KDM5A: variants seen among roughly 807,000 people sequenced by gnomAD.
The protein encoded by KDM5A is lysine-specific demethylase 5A.
KDM5A carries 42 observed loss-of-function variants against 193.5 expected under a neutral mutation model. That is an observed-to-expected ratio of 0.22 (90% CI 0.17 to 0.28). KDM5A has a LOEUF of 0.28. KDM5A is among the 10% of genes least tolerant of loss of function. KDM5A has a pLI of 1.00. For missense variants in KDM5A, 1,692 were observed against 2,055.1 expected, an observed-to-expected ratio of 0.82 and a Z score of 3.42; for synonymous variants, 796 against 718.1, an observed-to-expected ratio of 1.11 and a Z score of -1.73.
At chr12:324,109 C>T (rs1943755461) in intron 14 of KDM5A, among the ~76,000 whole-genome samples, 1 of 151,964 alleles carries the variant, frequency 6.6e-6, no homozygotes, top group African/African-American at 2.4e-5. Context: ...GGATTTGAGA[C>T]CAGCCGGGGC....
rs568711229 is a variant in KDM5A at position 293,489 on chromosome 12, G to C, written c.4456-320C>G. ...ATGTACATTATGCTACAATAAAAAA[G>C]ATTTATGGGCCAGGCACAGTGGTTC... On this transcript the variant is annotated intron_variant, in intron 26 of 27. Transcript: ENST00000399788. 9.9e-5 allele frequency among the ~76,000 whole-genome samples: 15 copies of C among 152,118 alleles called. No homozygotes were observed. The South Asian group carries it at 2.3e-3, about 23-fold the overall frequency.
At chr12:296,573 T>C (rs1943377101) in intron 25 of KDM5A, among the ~76,000 whole-genome samples, 1 of 152,058 alleles carries the variant, frequency 6.6e-6, no homozygotes, top group African/African-American at 2.4e-5. Context: ...TCTTCCAGAG[T>C]TGTGACCTAA....
intron 22 of KDM5A, 126 bp from the exon 23 acceptor site, chr12:308,131 C>G: frequency 9.7e-7 from 1 of 1,031,386 alleles, no homozygotes; most frequent in Admixed American, 2.1e-5. Flanking sequence ...AAATGTGGGG[C>G]CCCTGGCGGT....
intron 10 of KDM5A, among the ~76,000 whole-genome samples, chr12:336,516 T>C (rs1234621445): frequency 6.6e-6 from 1 of 152,094 alleles, no homozygotes; most frequent in Non-Finnish European, 1.5e-5. Flanking sequence ...ACTCAATATG[T>C]TTTGTGATTG....
At chr12:380,335 C>T (rs1944559074) in intron 3 of KDM5A, among the ~76,000 whole-genome samples, 4 of 151,812 alleles carry the variant, frequency 2.6e-5, no homozygotes. Flanking sequence ...TGGAAAATCA[C>T]TGACAGAGAA....
intron 10 of KDM5A, among the ~76,000 whole-genome samples, chr12:338,442 A>C (rs1943960566): frequency 6.6e-6 from 1 of 152,182 alleles, no homozygotes; most frequent in South Asian, 2.1e-4. Flanking sequence ...GTGATTAAGC[A>C]CACCCTATGT....
chr12:384,916 G>A (rs979643172), intron 2 of KDM5A, among the ~76,000 whole-genome samples: 2 of 152,124 alleles, frequency 1.3e-5, no homozygotes, highest in South Asian at 2.1e-4. Flanking sequence ...GCGGCCAGGC[G>A]CGGTAGCTCA....
At chr12:384,512 C>T (rs1363123305) in intron 2 of KDM5A, among the ~76,000 whole-genome samples, 2 of 152,152 alleles carry the variant, frequency 1.3e-5, no homozygotes, top group Admixed American at 1.3e-4. Flanking sequence ...AGGTTTGGGA[C>T]AGCTGTAATA....
intron 3 of KDM5A, among the ~76,000 whole-genome samples, chr12:367,779 T>A (rs537253978): frequency 1.3e-5 from 2 of 151,908 alleles, no homozygotes; most frequent in South Asian, 4.2e-4. Flanking sequence ...GGAGGATCAG[T>A]TGAACCCAGG....
At chr12:381,814 C>T (rs1023090865) in intron 3 of KDM5A, among the ~76,000 whole-genome samples, 1 of 74,092 alleles carries the variant, frequency 1.3e-5, no homozygotes, top group African/African-American at 4.7e-5. Flanking sequence ...TATGGTTACT[C>T]TGTTTTTTTG....
At position 309,931 on chromosome 12, in the gene KDM5A, C is replaced by T. The variant is rs767744968; in HGVS notation, c.3250G>A (p.Gly1084Arg). The change falls in exon 22 of 28, where the codon GGG becomes AGG. Residue 1084 changes from glycine to arginine, a missense_variant. Transcript: ENST00000399788. ...TTTTTCCTCCTATTTTTGCCACTCC[C>T]ATATACACCAATGTCGGTCCGGGGG... Reference protein sequence around the residue: ...LSPRTDIGVYGSGKNRRKKVK... With the variant: ...LSPRTDIGVYRSGKNRRKKVK... 2.5e-6 allele frequency: 4 copies of T among 1,613,686 alleles called. No homozygotes were observed. The highest frequency in any genetic ancestry group is 1.1e-5 in the South Asian group (1 of 90,956).
At chr12:346,312 A>C (rs1335875609) in intron 10 of KDM5A, among the ~76,000 whole-genome samples, 1 of 152,228 alleles carries the variant, frequency 6.6e-6, no homozygotes, top group Non-Finnish European at 1.5e-5. Context: ...AGATGGATTC[A>C]CAGCCAAATT....
intron 27 of KDM5A, among the ~76,000 whole-genome samples, chr12:288,925 G>A (rs1779774976): frequency 6.6e-6 from 1 of 152,058 alleles, no homozygotes. Flanking sequence ...GCGTGCACGC[G>A]TGTGTGTGTG....
chr12:366,811 T>A (rs556833915), intron 3 of KDM5A, among the ~76,000 whole-genome samples: 1 of 152,348 alleles, frequency 6.6e-6, no homozygotes, highest in African/African-American at 2.4e-5. Flanking sequence ...ACTATACATC[T>A]CTTAGGCTCT....
intron 24 of KDM5A, among the ~76,000 whole-genome samples, chr12:300,444 A>G (rs1351840197): frequency 3.3e-5 from 5 of 152,250 alleles, no homozygotes; most frequent in Non-Finnish European, 5.9e-5. Flanking sequence ...CTGGGTACAT[A>G]AAGAAATGAA....
At chr12:354,416 T>C (rs1944205358) in intron 7 of KDM5A, among the ~76,000 whole-genome samples, 182 bp from the exon 8 acceptor site, 1 of 152,178 alleles carries the variant, frequency 6.6e-6, no homozygotes, top group African/African-American at 2.4e-5. Context: ...TAAATTTCCT[T>C]CCAGAGTTTT....
At chr12:337,251 T>G (rs576137122) in intron 10 of KDM5A, among the ~76,000 whole-genome samples, 1 of 152,368 alleles carries the variant, frequency 6.6e-6, no homozygotes, top group African/African-American at 2.4e-5. Context: ...CTGTGGAACC[T>G]GTACAGCCTC....
chr12:376,562 C>T (rs1052015256), intron 3 of KDM5A, among the ~76,000 whole-genome samples: 15 of 152,330 alleles, frequency 9.8e-5, no homozygotes, highest in South Asian at 8.3e-4. Context: ...CTTTGGCACA[C>T]GCTCGGTGGG....
intron 7 of KDM5A, among the ~76,000 whole-genome samples, chr12:354,948 A>T (rs1565544214): frequency 6.6e-6 from 1 of 152,220 alleles, no homozygotes; most frequent in East Asian, 1.9e-4. Flanking sequence ...TTGGTTCCCC[A>T]TAAGGTGTAT....
Sources: gnomAD v4.1 joint callset for allele counts (sites outside exome capture counted in the v4.1 genomes callset) on GRCh38, gnomAD v4.1.1 for gene constraint, MANE v1.5 for transcripts, NCBI Gene and HGNC (gene_info 2026-07-23, HGNC 2026-07-21) for gene names.